Variants in PARP12 observed in about 807,000 individuals in gnomAD.
PARP12 encodes the protein poly(ADP-ribose) polymerase family member 12.
PARP12 carries 59 observed loss-of-function variants against 72.4 expected under a neutral mutation model. The ratio of observed to expected loss-of-function variants is 0.81; its 90% CI spans 0.66 to 1.01. The LOEUF is 1.01. Among genes scored for constraint, PARP12 ranks in the 50% least tolerant of loss-of-function variants. PARP12 has a pLI of 0.00. For missense variants in PARP12, 851 were observed against 914.0 expected, an observed-to-expected ratio of 0.93 and a Z score of 0.89; for synonymous variants, 403 against 371.4, an observed-to-expected ratio of 1.09 and a Z score of -0.98.
chr7:140,040,602 C>T lies in PARP12; in HGVS notation c.1182+1042G>A, dbSNP rs1016921482. ...GCAAAAGAAAAGACAAAAGTCCCTG[C>T]CCTCATGGAGCTTACATTAGAGCAT... On this transcript the variant is annotated intron_variant, in intron 6 of 11. Transcript: ENST00000263549. Among the ~76,000 whole-genome samples, 6 of 152,186 alleles carry T rather than the reference C, an allele frequency of 3.9e-5. No individual in the cohort carries two copies. In the East Asian group the frequency reaches 1.2e-3, roughly 29 times the overall value.
At chr7:140,038,636 C>T (rs904082610) in intron 6 of PARP12, among the ~76,000 whole-genome samples, 2 of 152,134 alleles carry the variant, frequency 1.3e-5, no homozygotes, top group African/African-American at 4.8e-5. Flanking sequence ...ATAAATGTTA[C>T]TATTATCATC....
In PARP12 at chr7:140,026,208, G is replaced by T; in HGVS notation, c.1769C>A (p.Ser590Tyr). The change falls in exon 11 of 12, where the codon TCC becomes TAC. Residue 590 changes from serine to tyrosine, a missense_variant. Around this residue, in one of 3 missense-constraint regions of PARP12, gnomAD observed 347 missense variants for 396.1 expected, o/e 0.88. Transcript: ENST00000263549. ...CAGTCATGCCTTACCCTTGCCGTAG[G>T]AAGTGCCATGAACACCACAGACCCG... ...DWRVCGVHGT[S>Y]YGKGSYFARD... is the part of the protein sequence containing the mutation. 6.2e-7 allele frequency: 1 copy of T among 1,614,158 alleles called. No individual in the cohort carries two copies. The highest frequency in any genetic ancestry group is 8.5e-7 in the Non-Finnish European group (1 of 1,180,044).
rs1384596428 is a variant in PARP12, at chr7:140,057,947, A to G, written c.414T>C (p.Asn138=). Residue 138 remains asparagine, a synonymous_variant, in exon 2 of 12, where the codon AAT becomes AAC. Coordinates refer to ENST00000263549, the MANE Select transcript of PARP12 (RefSeq NM_022750.4). The part of the protein sequence containing the change: ...RTHGVDHLSY[N]ELCQLLFQND... ...TCTGAAACAAGAGTTGGCATAGCTC[A>G]TTATAGCTCAGGTGGTCAACGCCAT... The G allele has an allele frequency of 6.2e-7, 1 of 1,613,644 alleles. No homozygotes were observed. The highest frequency in any genetic ancestry group is 8.5e-7 in the Non-Finnish European group (1 of 1,179,480).
chr7:140,033,441 A>T, intron 8 of PARP12: 1 of 985,480 alleles, frequency 1.0e-6, no homozygotes, highest in Non-Finnish European at 1.2e-6. Flanking sequence ...GCCAGCTACC[A>T]GTAACACTGC....
At chr7:140,040,495 G>A (rs964622750) in intron 6 of PARP12, among the ~76,000 whole-genome samples, 7 of 152,184 alleles carry the variant, frequency 4.6e-5, no homozygotes, top group African/African-American at 1.7e-4. Context: ...GACACTGTCA[G>A]TAACACCCTC....
At chr7:140,039,997 C>T (rs1336687972) in intron 6 of PARP12, among the ~76,000 whole-genome samples, 5 of 152,208 alleles carry the variant, frequency 3.3e-5, no homozygotes, top group Non-Finnish European at 7.3e-5. Flanking sequence ...ACAACCAGAG[C>T]TGTGATGAGA....
intron 5 of PARP12, 90 bp from the exon 6 acceptor site, chr7:140,041,929 G>A (rs1169675274): frequency 1.7e-5 from 19 of 1,122,806 alleles, no homozygotes; most frequent in South Asian, 1.2e-4. Flanking sequence ...TGGGAGATGC[G>A]AATAGTAAAT....
intron 7 of PARP12, among the ~76,000 whole-genome samples, chr7:140,036,061 G>A (rs981643643): frequency 6.9e-6 from 1 of 144,084 alleles, no homozygotes; most frequent in Non-Finnish European, 1.5e-5. Context: ...AGGAGAAGGA[G>A]GAGAAGGAGG....
intron 7 of PARP12, among the ~76,000 whole-genome samples, chr7:140,036,467 A>G (rs1234108693): frequency 6.6e-6 from 1 of 152,150 alleles, no homozygotes; most frequent in Non-Finnish European, 1.5e-5. Flanking sequence ...CGCACTCTAG[A>G]GGAGAAAAAC....
chr7:140,032,613 TAC>T (rs1419809652), intron 8 of PARP12, among the ~76,000 whole-genome samples: 1 of 152,142 alleles, frequency 6.6e-6, no homozygotes, highest in African/African-American at 2.4e-5. Context: ...ACATACATAT[TAC>T]AGAGAACCAG....
intron 11 of PARP12, chr7:140,025,621 G>C (rs1226179343): frequency 4.5e-6 from 2 of 448,940 alleles, no homozygotes; most frequent in Admixed American, 2.5e-5. Flanking sequence ...GAGAGAAAGA[G>C]AGAAGTGGCA....
chr7:140,057,791 A>T, intron 2 of PARP12, 108 bp downstream of exon 2: 1 of 1,463,008 alleles, frequency 6.8e-7, no homozygotes, highest in Non-Finnish European at 9.2e-7. Context: ...TGGAAACCAG[A>T]CCAGAGATCA....
At chr7:140,045,499 A>T (rs1294365582) in intron 5 of PARP12, among the ~76,000 whole-genome samples, 1 of 152,248 alleles carries the variant, frequency 6.6e-6, no homozygotes, top group Non-Finnish European at 1.5e-5. Flanking sequence ...TAATTAGTAA[A>T]TAAGTTTGAA....
At chr7:140,035,406 T>C (rs563889105) in intron 7 of PARP12, among the ~76,000 whole-genome samples, 1 of 152,352 alleles carries the variant, frequency 6.6e-6, no homozygotes, top group African/African-American at 2.4e-5. Flanking sequence ...TGAGCTAAGA[T>C]ACGTGGACTG....
chr7:140,047,023 AAAG>A lies in PARP12; in HGVS notation c.863-19_863-17del. 6.2e-7 allele frequency: 1 copy of A among 1,606,484 alleles called. No homozygotes were observed. The highest frequency in any genetic ancestry group is 2.2e-5 in the East Asian group (1 of 44,750). On this transcript the variant is annotated splice_polypyrimidine_tract_variant and intron_variant, in intron 4 of 11. Transcript: ENST00000263549. Reference sequence around the variant, plus strand: ...TGGCACTTATCTGAAATAAAAACATAAAGGAGTAAGATAGCTGGGCAATACACA... The same window carrying A: ...TGGCACTTATCTGAAATAAAAACATAGAGTAAGATAGCTGGGCAATACACA...
intron 2 of PARP12, 198 bp downstream of exon 2, chr7:140,057,701 G>A: frequency 1.5e-6 from 1 of 662,058 alleles, no homozygotes. Context: ...TCTGTGTGAT[G>A]TTTGTGGAAC....
chr7:140,035,999 GAGAAGGAGGAGA>G lies in PARP12; in HGVS notation c.1325-1680_1325-1669del, dbSNP rs1816168632. On this transcript the variant is annotated intron_variant, in intron 7 of 11. Coordinates refer to ENST00000263549, the MANE Select transcript of PARP12 (RefSeq NM_022750.4). The stretch of plus-strand genomic sequence containing the variant: ...GGAGGAGGAGGAGGAGGAGGAGGAG[GAGAAGGAGGAGA>G]AGGAGGAGAAGGAGGAGAAGGAGGA... 5.2e-4 allele frequency among the ~76,000 whole-genome samples: 19 copies of G among 36,640 alleles called. 3 individuals carry two copies. Among genetic ancestry groups the G allele is most frequent in the African/African-American group, 2.6e-3 (15 of 5,792 alleles). The allele number at this position is 36,640 out of a possible 152,430, so 24.0% of individuals were successfully genotyped here.
chr7:140,056,944 A>G lies in PARP12; in HGVS notation c.672T>C (p.Pro224=), dbSNP rs2116662070. Reference sequence around the variant, plus strand: ...TGTCATGTGCATTTCTATAAATGGTAGGCAGCCTGCTCACCAGGTCTGAGC... The same window carrying G: ...TGTCATGTGCATTTCTATAAATGGTGGGCAGCCTGCTCACCAGGTCTGAGC... ...GMSSDLVSRL[P]TIYRNAHDIK... is the part of the protein sequence containing the mutation. Residue 224 remains proline (P), a synonymous_variant, in exon 3 of 12, where the codon CCT becomes CCC. Transcript: ENST00000263549. 6.2e-7 allele frequency: 1 copy of G among 1,614,116 alleles called. No individual in the cohort carries two copies. The highest frequency in any genetic ancestry group is 8.5e-7 in the Non-Finnish European group (1 of 1,180,022).
intron 10 of PARP12, among the ~76,000 whole-genome samples, chr7:140,026,945 C>T (rs1232209106): frequency 6.6e-6 from 1 of 152,188 alleles, no homozygotes. Flanking sequence ...CCTTATGTTC[C>T]TGGGGCTAAT....
Sources: gnomAD v4.1 joint callset for allele counts (sites outside exome capture counted in the v4.1 genomes callset) on GRCh38, gnomAD v4.1.1 for gene constraint, gnomAD v4.1.1 regional missense constraint, MANE v1.5 for transcripts, NCBI Gene and HGNC (gene_info 2026-07-23, HGNC 2026-07-21) for gene names.